Variants in PCDHGB7 observed in about 807,000 individuals in gnomAD.
PCDHGB7 encodes protocadherin gamma subfamily B, 7.
Under a neutral mutation model 61.4 loss-of-function variants are expected in PCDHGB7, and 37 were observed. That is an observed-to-expected ratio of 0.60 (90% CI 0.46 to 0.79). The LOEUF (loss-of-function observed/expected upper bound fraction) is 0.79. Ranked by LOEUF, PCDHGB7 falls within the 30% of genes least tolerant of loss-of-function variation. The pLI is 0.00. For synonymous variants in PCDHGB7, 464 were observed against 503.5 expected (o/e 0.92, Z 1.05); for missense variants, 1,166 against 1,202.5 (o/e 0.97, Z 0.45).
chr5:141,430,635 T>A, intron 1 of PCDHGB7: 3 of 881,948 alleles, frequency 3.4e-6, no homozygotes, highest in Non-Finnish European at 5.0e-6. Flanking sequence ...GAACCATCCC[T>A]GGGAGTATGT....
chr5:141,506,444 CAAAAAAAAAAAAA>C (rs1219684339), intron 3 of PCDHGB7, among the ~76,000 whole-genome samples: 1 of 95,030 alleles, frequency 1.1e-5, no homozygotes, highest in Non-Finnish European at 2.2e-5. Context: ...CGCTCTGTCT[CAAAAAAAAAAAAA>C]AAAAAAAAGA....
At chr5:141,470,485 GAAT>G (rs2099231720) in intron 1 of PCDHGB7, among the ~76,000 whole-genome samples, 1 of 152,074 alleles carries the variant, frequency 6.6e-6, no homozygotes, top group Admixed American at 6.6e-5. Context: ...AACCCTCTGG[GAAT>G]AATATTAGGT....
chr5:141,423,327 A>C, intron 1 of PCDHGB7: 1 of 1,614,100 alleles, frequency 6.2e-7, no homozygotes, highest in Non-Finnish European at 8.5e-7. Context: ...CGGTGGCCGC[A>C]GTCTCCTGCA....
chr5:141,486,714 C>G lies in PCDHGB7; in HGVS notation c.2416-8093C>G. On this transcript the variant is annotated intron_variant, in intron 1 of 3. Transcript: ENST00000398594. This position sits in a 1 kb window ranked among gnomAD's most constrained non-coding sequence, Gnocchi z 5.0. ...TCTTTCATCTCTCTGAACCCCCAGA[C>G]AGGAGCTGTTCATGCTACTCGATCC... 1.2e-6 allele frequency: 2 copies of G among 1,614,216 alleles called. No individual in the cohort carries two copies. Among genetic ancestry groups the G allele is most frequent in the African/African-American group, 1.3e-5 (1 of 75,062 alleles).
intron 1 of PCDHGB7, among the ~76,000 whole-genome samples, chr5:141,455,161 T>G (rs6861291): frequency 0.084 from 8,821 of 104,682 alleles, 480 homozygotes; most frequent in African/African-American, 0.22. Context: ...AGTTTGTTGG[T>G]TTTTTTTTTA....
At position 141,486,691 on chromosome 5, in the gene PCDHGB7, T is replaced by C. The variant is rs778748447; in HGVS notation, c.2416-8116T>C. 8 of 1,614,024 alleles carry C rather than the reference T, an allele frequency of 5.0e-6. No individual in the cohort carries two copies. The highest frequency in any genetic ancestry group is 1.3e-5 in the African/African-American group (1 of 74,922). The stretch of plus-strand genomic sequence containing the variant: ...GGAATCGAGATGTATCAGCTTCCTC[T>C]TTCATCTCTCTGAACCCCCAGACAG... On this transcript the variant is annotated intron_variant, in intron 1 of 3. Coordinates refer to ENST00000398594, the MANE Select transcript of PCDHGB7 (RefSeq NM_018927.4). The surrounding 1 kb of genome is among the most constrained non-coding windows in gnomAD (Gnocchi z 5.0).
At chr5:141,510,518 G>A (rs904482737) in intron 3 of PCDHGB7, among the ~76,000 whole-genome samples, 9 of 152,112 alleles carry the variant, frequency 5.9e-5, no homozygotes, top group Non-Finnish European at 1.0e-4. Flanking sequence ...CCGTGTCACA[G>A]CCCTGAGAGA....
Position 141,493,022 on chromosome 5 carries a change from G to C in PCDHGB7, c.2416-1785G>C, listed in dbSNP as rs1184742888. On this transcript the variant is annotated intron_variant, in intron 1 of 3. Transcript: ENST00000398594. This position sits in a 1 kb window ranked among gnomAD's most constrained non-coding sequence, Gnocchi z 4.3. Reference sequence around the variant, plus strand: ...GCTATAGGCTCTGCCAGATGCCAGGGTGCCCTTATGTGTGAGGAAACTACA... The same window carrying C: ...GCTATAGGCTCTGCCAGATGCCAGGCTGCCCTTATGTGTGAGGAAACTACA... Among the ~76,000 whole-genome samples the C allele has an allele frequency of 6.6e-6, 1 of 152,222 alleles. No individual in the cohort carries two copies. Among genetic ancestry groups the C allele is most frequent in the Non-Finnish European group, 1.5e-5 (1 of 68,040 alleles).
chr5:141,443,827 G>A (rs1425599112), intron 1 of PCDHGB7, among the ~76,000 whole-genome samples: 1 of 152,054 alleles, frequency 6.6e-6, no homozygotes, highest in African/African-American at 2.4e-5. Context: ...ACATAATTAG[G>A]TAAAATGGGT....
chr5:141,483,661 T>TGTGTGA (rs1357903548), intron 1 of PCDHGB7, among the ~76,000 whole-genome samples: 7 of 152,042 alleles, frequency 4.6e-5, no homozygotes, highest in African/African-American at 1.7e-4. Context: ...TGTGTGTGTG[T>TGTGTGA]GTGTGTGTAA....
At chr5:141,435,435 T>G (rs2097763289) in intron 1 of PCDHGB7, among the ~76,000 whole-genome samples, 1 of 152,212 alleles carries the variant, frequency 6.6e-6, no homozygotes. Context: ...TGTTATGCAT[T>G]TCATTAATAC....
In PCDHGB7 at chr5:141,487,237, T is replaced by A. The variant is rs1327004790; in HGVS notation, c.2416-7570T>A. 1.2e-6 allele frequency: 2 copies of A among 1,614,122 alleles called. No individual in the cohort carries two copies. The highest frequency in any genetic ancestry group is 1.7e-6 in the Non-Finnish European group (2 of 1,179,980). On this transcript the variant is annotated intron_variant, in intron 1 of 3. Coordinates refer to ENST00000398594, the MANE Select transcript of PCDHGB7 (RefSeq NM_018927.4). This position sits in a 1 kb window ranked among gnomAD's most constrained non-coding sequence, Gnocchi z 5.0. ...CAGCTCCAAGGGAAGGAGAATCTCGTCTAACCCTCTACTTGGCTGTGTCCC... is the reference window on the plus strand; with the variant it reads ...CAGCTCCAAGGGAAGGAGAATCTCGACTAACCCTCTACTTGGCTGTGTCCC...
chr5:141,464,530 T>C (rs375523203), intron 1 of PCDHGB7, among the ~76,000 whole-genome samples: 1 of 152,108 alleles, frequency 6.6e-6, no homozygotes, highest in African/African-American at 2.4e-5. Flanking sequence ...TATGTAGTTT[T>C]GTTAAATATA....
rs1240258760 is a variant in PCDHGB7 at position 141,423,933 on chromosome 5, GAAGT to G, written c.2415+3664_2415+3667del. On this transcript the variant is annotated intron_variant, in intron 1 of 3. Coordinates refer to ENST00000398594, the MANE Select transcript of PCDHGB7 (RefSeq NM_018927.4). The stretch of plus-strand genomic sequence containing the variant: ...CCATTCAACTATGCTGGTTTGGTTT[GAAGT>G]AAGTTGAATTTTAGTATTATTTTTC... 5 of 1,226,500 alleles carry G rather than the reference GAAGT, an allele frequency of 4.1e-6. No homozygotes were observed. The African/African-American group carries it at 7.9e-5, about 19-fold the overall frequency. The allele number at this position is 1,226,500 out of a possible 1,614,324, so 76.0% of individuals were successfully genotyped here. A position where few individuals can be genotyped will look rare whatever the true frequency, so the allele number is the denominator to read the frequency against.
chr5:141,505,363 T>A, intron 2 of PCDHGB7, 30 bp from the exon 3 acceptor site: 1 of 1,613,360 alleles, frequency 6.2e-7, no homozygotes, highest in Non-Finnish European at 8.5e-7. Context: ...GGCCTGGGAG[T>A]CTGTGCTCAC....
Position 141,489,087 on chromosome 5 carries a change from T to TCAAA in PCDHGB7, c.2416-5720_2416-5719insCAAA. 4.6e-6 allele frequency: 1 copy of TCAAA among 216,106 alleles called. No individual in the cohort carries two copies. The highest frequency in any genetic ancestry group is 8.4e-6 in the Non-Finnish European group (1 of 118,736). The allele number at this position is 216,106 out of a possible 1,614,324, so 13.4% of individuals were successfully genotyped here. On this transcript the variant is annotated intron_variant, in intron 1 of 3. Coordinates refer to ENST00000398594, the MANE Select transcript of PCDHGB7 (RefSeq NM_018927.4). This position sits in a 1 kb window ranked among gnomAD's most constrained non-coding sequence, Gnocchi z 4.5. The stretch of plus-strand genomic sequence containing the variant: ...CCCCCTGCCCACCCCCGCCACTCGG[T>TCAAA]GACTAAGAACTGCTGCAAGCAGGCA...
chr5:141,484,845 G>T (rs541372844), intron 1 of PCDHGB7, among the ~76,000 whole-genome samples: 10 of 152,076 alleles, frequency 6.6e-5, no homozygotes, highest in Admixed American at 2.6e-4. Flanking sequence ...GATAGGCTGG[G>T]TTTTTTGGGG....
At chr5:141,425,805 C>T (rs1419480761) in intron 1 of PCDHGB7, among the ~76,000 whole-genome samples, 1 of 152,158 alleles carries the variant, frequency 6.6e-6, no homozygotes, top group African/African-American at 2.4e-5. Context: ...TGCATTGCTT[C>T]TGCTTAGAAA....
chr5:141,441,671 C>T (rs1027440120), intron 1 of PCDHGB7: 1 of 287,648 alleles, frequency 3.5e-6, no homozygotes, highest in African/African-American at 2.3e-5. Flanking sequence ...GCGCACAGTG[C>T]GCCTTCGACC....
Sources: allele counts gnomAD v4.1 joint callset (sites outside exome capture counted in the v4.1 genomes callset), GRCh38; gene constraint gnomAD v4.1.1; non-coding constraint Gnocchi (gnomAD v3.1); transcripts MANE v1.5; gene names NCBI Gene and HGNC (gene_info 2026-07-23, HGNC 2026-07-21).